SLC10A7: variants seen among roughly 807,000 people sequenced by gnomAD.
The protein encoded by SLC10A7 is sodium/bile acid cotransporter 7.
SLC10A7 carries 29 observed loss-of-function variants against 43.2 expected under a neutral mutation model. That is an observed-to-expected ratio of 0.67 (90% CI 0.50 to 0.92). The LOEUF (loss-of-function observed/expected upper bound fraction) is 0.92. Among genes scored for constraint, SLC10A7 ranks in the 40% least tolerant of loss-of-function variants. The probability of loss-of-function intolerance (pLI) is 0.00; values close to 1 mark genes in which losing one functional copy is unlikely to be tolerated. For synonymous variants in SLC10A7, 152 were observed against 144.8 expected, an observed-to-expected ratio of 1.05 and a Z score of -0.35; for missense variants, 295 against 403.2, an observed-to-expected ratio of 0.73 and a Z score of 2.30.
rs184656718 is a variant in SLC10A7, at chr4:146,480,582, T to C, written c.396+23267A>G. On this transcript the variant is annotated intron_variant, in intron 4 of 11. Transcript: ENST00000335472. ...ATCAACATTCCAGTAAGCAGAAAGA[T>C]GAAGAAAAAATGAAGGCTGGTATAT... 1.4e-3 allele frequency among the ~76,000 whole-genome samples: 208 copies of C among 152,026 alleles called. No individual in the cohort carries two copies. In the Middle Eastern group the frequency reaches 0.02, roughly 15 times the overall value.
chr4:146,489,630 G>A (rs540325715), intron 4 of SLC10A7, among the ~76,000 whole-genome samples: 21 of 152,246 alleles, frequency 1.4e-4, no homozygotes, highest in African/African-American at 4.1e-4. Flanking sequence ...AACTGCCCAC[G>A]GGTTAAAAGT....
intron 7 of SLC10A7, among the ~76,000 whole-genome samples, chr4:146,304,668 A>G (rs918738254): frequency 2.0e-5 from 3 of 152,086 alleles, no homozygotes; most frequent in African/African-American, 4.8e-5. Context: ...CTTTACTTCC[A>G]AGTATGTGGT....
chr4:146,466,298 T>C lies in SLC10A7; in HGVS notation c.397-23477A>G, dbSNP rs73852859. Among the ~76,000 whole-genome samples, 1,189 of 152,336 alleles carry C rather than the reference T, an allele frequency of 7.8e-3. 20 individuals carry two copies. The highest frequency in any genetic ancestry group is 0.025 in the African/African-American group (1,052 of 41,576). On this transcript the variant is annotated intron_variant, in intron 4 of 11. Transcript: ENST00000335472. ...ACGTATAGTACTGAAGACTTTATTA[T>C]AGATCCGAAGGGACTAGAAATGAGA...
intron 4 of SLC10A7, among the ~76,000 whole-genome samples, chr4:146,483,824 T>A (rs1422879237): frequency 6.6e-6 from 1 of 152,154 alleles, no homozygotes; most frequent in African/African-American, 2.4e-5. Flanking sequence ...GTAGCTATAC[T>A]TATGTACTTA....
intron 5 of SLC10A7, among the ~76,000 whole-genome samples, chr4:146,424,809 A>C (rs113057691): frequency 8.5e-5 from 13 of 152,272 alleles, no homozygotes; most frequent in African/African-American, 2.9e-4. Context: ...TCCAAAAAAC[A>C]TTTCTTATAC....
chr4:146,452,748 C>T (rs1731700931), intron 4 of SLC10A7, among the ~76,000 whole-genome samples: 1 of 151,938 alleles, frequency 6.6e-6, no homozygotes, highest in Non-Finnish European at 1.5e-5. Context: ...CGGATTTATA[C>T]ACTACGCTCA....
intron 5 of SLC10A7, among the ~76,000 whole-genome samples, chr4:146,415,507 C>T (rs1399688979): frequency 1.3e-5 from 2 of 152,106 alleles, no homozygotes; most frequent in East Asian, 3.8e-4. Context: ...ATATTCTTAT[C>T]CAGGGAATGG....
intron 10 of SLC10A7, among the ~76,000 whole-genome samples, chr4:146,268,010 CTG>C (rs1728669543): frequency 6.6e-6 from 1 of 152,128 alleles, no homozygotes; most frequent in South Asian, 2.1e-4. Flanking sequence ...AGGGTGATCT[CTG>C]TGGGTGGCAT....
intron 4 of SLC10A7, among the ~76,000 whole-genome samples, chr4:146,455,756 T>C (rs1731990380): frequency 6.6e-6 from 1 of 151,966 alleles, no homozygotes; most frequent in Non-Finnish European, 1.5e-5. Flanking sequence ...TCCTGTTCTT[T>C]ATGTCTTCAG....
intron 5 of SLC10A7, among the ~76,000 whole-genome samples, chr4:146,358,923 A>G (rs986563534): frequency 6.6e-6 from 1 of 152,160 alleles, no homozygotes; most frequent in Non-Finnish European, 1.5e-5. Context: ...GGGTAGGCAT[A>G]TGTTTAACAT....
chr4:146,350,186 T>C (rs4309853), intron 5 of SLC10A7, among the ~76,000 whole-genome samples: 1 of 141,810 alleles, frequency 7.1e-6, no homozygotes, highest in Non-Finnish European at 1.5e-5. Context: ...CACCGTGCGC[T>C]AGCCGAAGCA....
At chr4:146,406,235 C>G (rs1727680581) in intron 5 of SLC10A7, among the ~76,000 whole-genome samples, 1 of 152,102 alleles carries the variant, frequency 6.6e-6, no homozygotes, top group South Asian at 2.1e-4. Context: ...AATCCATATA[C>G]AATTATAGAA....
At chr4:146,488,397 A>AT in intron 4 of SLC10A7, among the ~76,000 whole-genome samples, 2 of 152,250 alleles carry the variant, frequency 1.3e-5, no homozygotes, top group South Asian at 4.1e-4. Context: ...AGAAAAAAAT[A>AT]TTTATTGAGC....
At chr4:146,303,715 C>T (rs1180162830) in intron 7 of SLC10A7, among the ~76,000 whole-genome samples, 4 of 152,048 alleles carry the variant, frequency 2.6e-5, no homozygotes, top group African/African-American at 7.2e-5. Flanking sequence ...ATTTCAAAGA[C>T]TTGTTTCCTG....
At chr4:146,348,077 G>T (rs1458945426) in intron 5 of SLC10A7, among the ~76,000 whole-genome samples, 1 of 152,096 alleles carries the variant, frequency 6.6e-6, no homozygotes, top group Non-Finnish European at 1.5e-5. Flanking sequence ...TATATTCCAG[G>T]AAAAATAACT....
intron 4 of SLC10A7, among the ~76,000 whole-genome samples, chr4:146,445,294 C>A (rs1035133843): frequency 6.6e-6 from 1 of 152,116 alleles, no homozygotes; most frequent in South Asian, 2.1e-4. Flanking sequence ...ATGGGACTCG[C>A]GAAGGGGTTG....
chr4:146,299,756 G>C (rs944702801), intron 7 of SLC10A7, among the ~76,000 whole-genome samples: 2 of 152,182 alleles, frequency 1.3e-5, no homozygotes, highest in Admixed American at 6.5e-5. Context: ...AGTAGGGTAG[G>C]GTTTCTGGGA....
chr4:146,377,226 T>C (rs1337876569), intron 5 of SLC10A7, among the ~76,000 whole-genome samples: 1 of 152,198 alleles, frequency 6.6e-6, no homozygotes, highest in African/African-American at 2.4e-5. Flanking sequence ...GAACCTTTAC[T>C]TTACTTTTTA....
chr4:146,516,388 A>T (rs1737963644), intron 2 of SLC10A7, among the ~76,000 whole-genome samples: 1 of 151,092 alleles, frequency 6.6e-6, no homozygotes, highest in Non-Finnish European at 1.5e-5. Context: ...ATAACATTAC[A>T]TATATAGGTG....
Sources: allele counts gnomAD v4.1 joint callset (sites outside exome capture counted in the v4.1 genomes callset), GRCh38; gene constraint gnomAD v4.1.1; transcripts MANE v1.5; gene names NCBI Gene and HGNC (gene_info 2026-07-23, HGNC 2026-07-21).